The following ATRN variants were observed in gnomAD, a reference collection of about 807,000 sequenced individuals.
ATRN encodes attractin.
In ATRN, 54 loss-of-function variants were observed where a neutral mutation model predicts 178.7. The ratio of observed to expected loss-of-function variants is 0.30; its 90% CI spans 0.24 to 0.38. ATRN has a LOEUF of 0.38. Among genes scored for constraint, ATRN ranks in the 10% least tolerant of loss-of-function variants. The pLI, the probability that ATRN is intolerant of heterozygous loss-of-function variation, is 1.00. For synonymous variants in ATRN, 636 were observed against 663.0 expected, an observed-to-expected ratio of 0.96 and a Z score of 0.63; for missense variants, 1,443 against 1,815.1, an observed-to-expected ratio of 0.79 and a Z score of 3.73.
At position 3,600,951 on chromosome 20, in the gene ATRN, C is replaced by T. The variant is rs772454096; in HGVS notation, c.3570C>T (p.Asn1190=). 1.2e-5 allele frequency: 20 copies of T among 1,612,532 alleles called. No individual in the cohort carries two copies. The Admixed American group carries it at 3.2e-4, about 26-fold the overall frequency. The change falls in exon 23 of 29, where the codon AAC becomes AAT. Residue 1190 remains asparagine, a synonymous_variant. Coordinates refer to ENST00000262919, the MANE Select transcript of ATRN (RefSeq NM_139321.3). ...TAATTTGTACCGCTCATCAGCAAAA[C>T]AGGGATTTGGACATGTTCATCAATG... ...INFVATPDEQ[N]RDLDMFINAS...
At chr20:3,534,180 T>C (rs771848702) in intron 1 of ATRN, among the ~76,000 whole-genome samples, 10 of 152,106 alleles carry the variant, frequency 6.6e-5, no homozygotes, top group Non-Finnish European at 1.3e-4. Flanking sequence ...TAACTAGGTA[T>C]GTGAGAAAAT....
chr20:3,621,130 G>A (rs2146312391), intron 24 of ATRN, among the ~76,000 whole-genome samples: 1 of 152,270 alleles, frequency 6.6e-6, no homozygotes, highest in East Asian at 1.9e-4. Context: ...CGCCCTGAGA[G>A]GGAAGCAGAT....
chr20:3,617,987 G>A (rs118039735), intron 24 of ATRN, among the ~76,000 whole-genome samples: 1 of 152,154 alleles, frequency 6.6e-6, no homozygotes, highest in Non-Finnish European at 1.5e-5. Context: ...CCTTCACCCC[G>A]ACGCACAGGT....
intron 25 of ATRN, 94 bp downstream of exon 25, chr20:3,624,666 C>CT: frequency 9.5e-7 from 1 of 1,055,496 alleles, no homozygotes; most frequent in Admixed American, 2.2e-5. Context: ...AAAGAATAAT[C>CT]CTGTGTTTCC....
At chr20:3,566,141 A>T (rs1391648641) in intron 11 of ATRN, among the ~76,000 whole-genome samples, 1 of 152,166 alleles carries the variant, frequency 6.6e-6, no homozygotes, top group East Asian at 1.9e-4. Context: ...TTTGGAAAAG[A>T]GGAGAGAGGG....
chr20:3,627,881 A>G (rs2086955411), intron 25 of ATRN, among the ~76,000 whole-genome samples: 1 of 152,194 alleles, frequency 6.6e-6, no homozygotes, highest in South Asian at 2.1e-4. Flanking sequence ...TTGGTAACAT[A>G]ACCTTTTTAG....
intron 23 of ATRN, among the ~76,000 whole-genome samples, chr20:3,603,493 CTT>C (rs368103958): frequency 4.9e-5 from 7 of 143,340 alleles, no homozygotes; most frequent in Middle Eastern, 3.7e-3. Flanking sequence ...TTCTTTCTTT[CTT>C]TTTTTTTTTT....
chr20:3,559,717 G>A (rs2085925665), intron 7 of ATRN, among the ~76,000 whole-genome samples: 1 of 152,144 alleles, frequency 6.6e-6, no homozygotes, highest in African/African-American at 2.4e-5. Flanking sequence ...GGCACTAAAT[G>A]GTTAAAGATG....
chr20:3,535,020 T>C (rs1234082429), intron 1 of ATRN, among the ~76,000 whole-genome samples: 1 of 152,168 alleles, frequency 6.6e-6, no homozygotes, highest in Admixed American at 6.5e-5. Context: ...TTAATATTTT[T>C]CTGTCTTCTT....
chr20:3,563,413 A>G (rs367730071), intron 10 of ATRN, 50 bp downstream of exon 10: 42 of 1,550,840 alleles, frequency 2.7e-5, no homozygotes, highest in Non-Finnish European at 3.7e-5. Context: ...TGCCTATACT[A>G]TAAGCAGCAT....
At position 3,500,556 on chromosome 20, in the gene ATRN, AATC is replaced by A. The variant is rs1466166419; in HGVS notation, c.410+29045_410+29047del. ...TTGTAGGGACATGGATGAAATTGGA[AATC>A]ATCATTCTCAGTAAACTATCGCAAG... is the stretch of plus-strand genomic sequence containing the variant. On this transcript the variant is annotated intron_variant, in intron 1 of 28. Transcript: ENST00000262919. 2.9e-4 allele frequency among the ~76,000 whole-genome samples: 44 copies of A among 151,748 alleles called. No individual in the cohort carries two copies. The Middle Eastern group carries it at 0.01, about 35-fold the overall frequency.
intron 18 of ATRN, among the ~76,000 whole-genome samples, chr20:3,590,713 G>A (rs907600649): frequency 6.6e-6 from 1 of 152,004 alleles, no homozygotes; most frequent in Non-Finnish European, 1.5e-5. Flanking sequence ...GAAATAAGGT[G>A]GTAAAATAGT....
At chr20:3,499,954 C>T (rs1296929831) in intron 1 of ATRN, among the ~76,000 whole-genome samples, 1 of 151,874 alleles carries the variant, frequency 6.6e-6, no homozygotes, top group East Asian at 1.9e-4. Flanking sequence ...GGGCTAATAT[C>T]CAGAATCTAC....
At chr20:3,619,535 C>T (rs2086880488) in intron 24 of ATRN, among the ~76,000 whole-genome samples, 2 of 152,182 alleles carry the variant, frequency 1.3e-5, no homozygotes, top group African/African-American at 4.8e-5. Context: ...TCCATTTATT[C>T]AAGTTTTTGA....
chr20:3,487,581 T>A (rs2084713293), intron 1 of ATRN, among the ~76,000 whole-genome samples: 1 of 152,212 alleles, frequency 6.6e-6, no homozygotes, highest in Non-Finnish European at 1.5e-5. Flanking sequence ...CTGATTTTTG[T>A]TCATGGTACA....
rs527335426 is a variant in ATRN at position 3,528,507 on chromosome 20, A to C, written c.411-6746A>C. ...ATGCAGTAACAGAAAACCAAATACC[A>C]CATACTCTCACTTACAAGTAGGAAC... On this transcript the variant is annotated intron_variant, in intron 1 of 28. Coordinates refer to ENST00000262919, the MANE Select transcript of ATRN (RefSeq NM_139321.3). 5.3e-5 allele frequency among the ~76,000 whole-genome samples: 8 copies of C among 152,284 alleles called. No homozygotes were observed. In the South Asian group the frequency reaches 1.7e-3, roughly 32 times the overall value.
intron 1 of ATRN, among the ~76,000 whole-genome samples, chr20:3,496,597 T>C (rs1441452961): frequency 2.0e-5 from 3 of 152,142 alleles, no homozygotes; most frequent in Non-Finnish European, 4.4e-5. Flanking sequence ...TTGGAATAGG[T>C]GTGGTGTGGT....
At chr20:3,570,614 A>G (rs2086107237) in intron 11 of ATRN, among the ~76,000 whole-genome samples, 1 of 152,066 alleles carries the variant, frequency 6.6e-6, no homozygotes, top group Non-Finnish European at 1.5e-5. Flanking sequence ...TTTTTATTAA[A>G]TTTCAAACAT....
intron 12 of ATRN, among the ~76,000 whole-genome samples, chr20:3,573,768 T>G (rs1180074709): frequency 6.6e-6 from 1 of 151,876 alleles, no homozygotes; most frequent in Admixed American, 6.6e-5. Flanking sequence ...TTTTATTTAT[T>G]TATTTATTTA....
Sources: gnomAD v4.1 joint callset for allele counts (sites outside exome capture counted in the v4.1 genomes callset) on GRCh38, gnomAD v4.1.1 for gene constraint, MANE v1.5 for transcripts, NCBI Gene and HGNC (gene_info 2026-07-23, HGNC 2026-07-21) for gene names.